Variants in MRC1 observed in about 807,000 individuals in gnomAD.
MRC1 encodes macrophage mannose receptor 1.
Under a neutral mutation model 102.9 loss-of-function variants are expected in MRC1, and 62 were observed. That is an observed-to-expected ratio of 0.60 (90% CI 0.49 to 0.74). MRC1 has a LOEUF of 0.74. Ranked by LOEUF, MRC1 falls within the 30% of genes least tolerant of loss-of-function variation. MRC1 has a pLI of 0.00. For missense variants in MRC1, 1,237 were observed against 862.8 expected (o/e 1.43, Z -5.43); for synonymous variants, 457 against 298.4 (o/e 1.53, Z -5.48).
chr10:17,858,278 A>G (rs1589181428), intron 9 of MRC1, among the ~76,000 whole-genome samples: 1 of 152,050 alleles, frequency 6.6e-6, no homozygotes, highest in Non-Finnish European at 1.5e-5. Context: ...TATTTTTGGT[A>G]CTGGAATTCC....
At chr10:17,863,474 T>G in intron 10 of MRC1, 60 bp from the exon 11 acceptor site, 1 of 779,476 alleles carries the variant, frequency 1.3e-6, no homozygotes, top group Middle Eastern at 2.3e-4. Context: ...CGTTGATAAT[T>G]TTGAAAATTG....
At chr10:17,817,969 A>G (rs1182299783) in intron 1 of MRC1, among the ~76,000 whole-genome samples, 2 of 152,346 alleles carry the variant, frequency 1.3e-5, no homozygotes, top group Non-Finnish European at 2.9e-5. Flanking sequence ...ATAATGCACG[A>G]TGAATGTATC....
intron 3 of MRC1, among the ~76,000 whole-genome samples, 170 bp from the exon 4 acceptor site, chr10:17,833,505 A>G (rs1838611942): frequency 7.0e-6 from 1 of 142,860 alleles, no homozygotes; most frequent in Non-Finnish European, 1.5e-5. Flanking sequence ...TGGGCAACAG[A>G]GCAAGACTCT....
chr10:17,854,673 A>G (rs2130650137), intron 8 of MRC1: 1 of 203,352 alleles, frequency 4.9e-6, no homozygotes, highest in Non-Finnish European at 1.0e-5. Context: ...GACAGACAAT[A>G]CAGAAAACAT....
intron 28 of MRC1, among the ~76,000 whole-genome samples, chr10:17,908,245 A>C (rs898726774): frequency 1.3e-5 from 2 of 152,154 alleles, no homozygotes; most frequent in Admixed American, 6.5e-5. Flanking sequence ...TATCCCTCCC[A>C]ATACATTACT....
intron 12 of MRC1, among the ~76,000 whole-genome samples, chr10:17,868,238 C>G (rs911063274): frequency 6.6e-6 from 1 of 152,162 alleles, no homozygotes; most frequent in Non-Finnish European, 1.5e-5. Context: ...CTACCCAAGA[C>G]TGGGTAATTT....
intron 28 of MRC1, among the ~76,000 whole-genome samples, chr10:17,908,547 T>C (rs967679947): frequency 6.6e-6 from 1 of 152,002 alleles, no homozygotes; most frequent in Non-Finnish European, 1.5e-5. Flanking sequence ...TCTGGTACAA[T>C]GTTGGAGTTG....
intron 24 of MRC1, among the ~76,000 whole-genome samples, chr10:17,899,910 C>A (rs1833805034): frequency 6.6e-6 from 1 of 151,766 alleles, no homozygotes; most frequent in Non-Finnish European, 1.5e-5. Flanking sequence ...ACCAGCCTGG[C>A]AAACATGGTG....
chr10:17,817,016 G>A (rs1383653401), intron 1 of MRC1, among the ~76,000 whole-genome samples: 1 of 152,054 alleles, frequency 6.6e-6, no homozygotes, highest in Non-Finnish European at 1.5e-5. Context: ...GGGAGGCCGG[G>A]GCAGGTGGAT....
chr10:17,833,093 C>T (rs541504178), intron 3 of MRC1, among the ~76,000 whole-genome samples: 3 of 151,668 alleles, frequency 2.0e-5, no homozygotes, highest in Admixed American at 6.6e-5. Flanking sequence ...CAATTGATCC[C>T]GAAAGGGAAA....
chr10:17,813,350 T>C (rs981199724), intron 1 of MRC1, among the ~76,000 whole-genome samples: 7 of 152,238 alleles, frequency 4.6e-5, no homozygotes, highest in African/African-American at 1.7e-4. Flanking sequence ...CTGATACTCC[T>C]CTATTTCATT....
At chr10:17,895,853 T>G (rs898169128) in intron 23 of MRC1, among the ~76,000 whole-genome samples, 15 of 152,358 alleles carry the variant, frequency 9.8e-5, no homozygotes, top group African/African-American at 3.6e-4. Flanking sequence ...GCAGCAGACA[T>G]AGTGCTTCTT....
intron 22 of MRC1, 37 bp from the exon 23 acceptor site, chr10:17,894,173 A>G: frequency 1.2e-6 from 1 of 869,286 alleles, no homozygotes; most frequent in Non-Finnish European, 2.0e-6. Flanking sequence ...TCGTTGATTC[A>G]TGATTGTTTT....
rs1245646844 is a variant in MRC1, at chr10:17,849,603, C to A, written c.1088C>A (p.Pro363His). Residue 363 changes from proline (P) to histidine (H), a missense_variant, in exon 7 of 30, where the codon CCT becomes CAT. Transcript: ENST00000569591. The part of the protein sequence containing the change: ...PSESDVPTHC[P>H]SQWWPYAGHC... Reference sequence around the variant, plus strand: ...GAAAGTGATGTGCCTACTCACTGTCCTAGTCAGTGGTGGCCGTATGCCGGT... The same window carrying A: ...GAAAGTGATGTGCCTACTCACTGTCATAGTCAGTGGTGGCCGTATGCCGGT... 7 of 780,764 alleles carry A rather than the reference C, an allele frequency of 9.0e-6. No individual in the cohort carries two copies. The East Asian group carries it at 1.5e-4, about 16-fold the overall frequency. The allele number at this position is 780,764 out of a possible 1,614,324, so 48.4% of individuals were successfully genotyped here.
chr10:17,863,580 A>C lies in MRC1; in HGVS notation c.1681A>C (p.Lys561Gln). The C allele has an allele frequency of 1.3e-6, 1 of 780,850 alleles. No individual in the cohort carries two copies. The highest frequency in any genetic ancestry group is 2.4e-6 in the Non-Finnish European group (1 of 417,946). The allele number at this position is 780,850 out of a possible 1,614,324, so 48.4% of individuals were successfully genotyped here. ...TAGTTTCGTTGGCTTAAGGCCTGAAAAATATTTCTGGACAGGACTTTCAGA... is the reference window on the plus strand; with the variant it reads ...TAGTTTCGTTGGCTTAAGGCCTGAACAATATTTCTGGACAGGACTTTCAGA... Reference protein sequence around the residue: ...LTSFVGLRPEKYFWTGLSDIQ... With the variant: ...LTSFVGLRPEQYFWTGLSDIQ... The change falls in exon 11 of 30, where the codon AAA (lysine) becomes CAA (glutamine). Residue 561 changes from lysine (K) to glutamine (Q), a missense_variant. By Grantham distance (53) the Lys-to-Gln change is moderately conservative. Transcript: ENST00000569591.
At chr10:17,837,497 C>T (rs1838685734) in intron 4 of MRC1, among the ~76,000 whole-genome samples, 1 of 152,022 alleles carries the variant, frequency 6.6e-6, no homozygotes, top group Admixed American at 6.5e-5. Flanking sequence ...GCAATCCACT[C>T]TATTTTGGAA....
chr10:17,905,605 C>T (rs2130723514), intron 26 of MRC1, among the ~76,000 whole-genome samples: 1 of 151,288 alleles, frequency 6.6e-6, no homozygotes, highest in East Asian at 1.9e-4. Context: ...GAATGCTTCT[C>T]ATTCTCATTC....
At position 17,816,234 on chromosome 10, in the gene MRC1, T is replaced by C. The variant is rs908702673; in HGVS notation, c.61+6708T>C. Among the ~76,000 whole-genome samples the C allele has an allele frequency of 3.3e-5, 5 of 152,358 alleles. 1 individual carries two copies. Among genetic ancestry groups the C allele is most frequent in the African/African-American group, 1.2e-4 (5 of 41,582 alleles). On this transcript the variant is annotated intron_variant, in intron 1 of 29. Transcript: ENST00000569591. ...GAAAACATAGGTACATTTATTTAAC[T>C]GAGGCTGGTGAACATATTTCTTAGT...
intron 5 of MRC1, among the ~76,000 whole-genome samples, chr10:17,843,110 G>A (rs1284398012): frequency 2.0e-5 from 3 of 152,098 alleles, no homozygotes; most frequent in South Asian, 2.1e-4. Flanking sequence ...AATAACTATG[G>A]TAAACATCAA....
Sources: gnomAD v4.1 joint callset for allele counts (sites outside exome capture counted in the v4.1 genomes callset) on GRCh38, gnomAD v4.1.1 for gene constraint, MANE v1.5 for transcripts, NCBI Gene and HGNC (gene_info 2026-07-23, HGNC 2026-07-21) for gene names.